The following PCDHGB5 variants were observed in gnomAD, a reference collection of about 807,000 sequenced individuals.
PCDHGB5 encodes the protein protocadherin gamma-B5.
In PCDHGB5, 48 loss-of-function variants were observed where a neutral mutation model predicts 62.9. The observed-to-expected ratio is 0.76, with a 90% CI of 0.61 to 0.97. The LOEUF (loss-of-function observed/expected upper bound fraction) is 0.97, where lower values mean the gene tolerates loss of function less well. Among genes scored for constraint, PCDHGB5 ranks in the 50% least tolerant of loss-of-function variants. The pLI, the probability that PCDHGB5 is intolerant of heterozygous loss-of-function variation, is 0.00. For synonymous variants in PCDHGB5, 474 were observed against 511.2 expected, an observed-to-expected ratio of 0.93 and a Z score of 0.98; for missense variants, 1,118 against 1,198.6, an observed-to-expected ratio of 0.93 and a Z score of 0.99.
At chr5:141,454,567 C>T (rs572130062) in intron 1 of PCDHGB5, among the ~76,000 whole-genome samples, 10 of 150,966 alleles carry the variant, frequency 6.6e-5, no homozygotes, top group South Asian at 2.1e-4. Context: ...CCACCACGCC[C>T]GGCTAATTTT....
intron 1 of PCDHGB5, among the ~76,000 whole-genome samples, chr5:141,483,310 A>G (rs2099579870): frequency 6.6e-6 from 1 of 152,156 alleles, no homozygotes; most frequent in African/African-American, 2.4e-5. Context: ...GACTGGGGAC[A>G]TTGGGACTGG....
Position 141,477,856 on chromosome 5 carries a change from G to T in PCDHGB5, c.2398-16951G>T, listed in dbSNP as rs773703641. ...CAGGTGGGAGCTCGGTGGAGATGCTGCCTCGAGGTACCTCAGCTGGCCACC... is the reference window on the plus strand; with the variant it reads ...CAGGTGGGAGCTCGGTGGAGATGCTTCCTCGAGGTACCTCAGCTGGCCACC... On this transcript the variant is annotated intron_variant, in intron 1 of 3. Coordinates refer to ENST00000617380, the MANE Select transcript of PCDHGB5 (RefSeq NM_018925.3). This position sits in a 1 kb window ranked among gnomAD's most constrained non-coding sequence, Gnocchi z 4.9. 1 of 1,613,474 alleles carries T rather than the reference G, an allele frequency of 6.2e-7. No homozygotes were observed. Among genetic ancestry groups the T allele is most frequent in the Non-Finnish European group, 8.5e-7 (1 of 1,179,854 alleles).
At chr5:141,423,354 C>A in intron 1 of PCDHGB5, 1 of 1,614,202 alleles carries the variant, frequency 6.2e-7, no homozygotes. Context: ...TGGTCTTTGT[C>A]ATCGTGCTGC....
chr5:141,418,360 G>A (rs544948410), intron 1 of PCDHGB5: 3 of 1,613,990 alleles, frequency 1.9e-6, no homozygotes, highest in Non-Finnish European at 2.5e-6. Context: ...TGAATTCGCT[G>A]AGCAAATACC....
At chr5:141,480,525 A>G (rs191522157) in intron 1 of PCDHGB5, among the ~76,000 whole-genome samples, 131 of 152,310 alleles carry the variant, frequency 8.6e-4, no homozygotes, top group African/African-American at 2.6e-3. Context: ...AAAAATGACA[A>G]AGTAGAAGCA....
At chr5:141,405,206 A>G in intron 1 of PCDHGB5, 1 of 1,613,648 alleles carries the variant, frequency 6.2e-7, no homozygotes, top group Non-Finnish European at 8.5e-7. Flanking sequence ...TTTCCTACAG[A>G]CCTATTCTCA....
At chr5:141,418,667 G>A (rs1561775322) in intron 1 of PCDHGB5, 1 of 1,614,036 alleles carries the variant, frequency 6.2e-7, no homozygotes, top group Admixed American at 1.7e-5. Flanking sequence ...CACTGACCAG[G>A]ACGAGGGCAT....
In PCDHGB5 at chr5:141,398,540, T is replaced by C. The variant is rs372892054; in HGVS notation, c.413T>C (p.Phe138Ser). Residue 138 changes from phenylalanine (F) to serine (S), a missense_variant, in exon 1 of 4, where the codon TTT becomes TCT. Transcript: ENST00000617380. The part of the protein sequence containing the change: ...DHTPKFTQNS[F>S]ELQISESAQP... The stretch of plus-strand genomic sequence containing the variant: ...ACGCCAAAATTCACGCAAAATTCCT[T>C]TGAGCTGCAAATAAGTGAGTCTGCA... 12 of 1,613,764 alleles carry C rather than the reference T, an allele frequency of 7.4e-6. No homozygotes were observed. The African/African-American group carries it at 1.2e-4, about 16-fold the overall frequency.
At position 141,400,181 on chromosome 5, in the gene PCDHGB5, A is replaced by G. The variant is rs1188334062; in HGVS notation, c.2054A>G (p.Gln685Arg). Residue 685 changes from glutamine to arginine, a missense_variant, in exon 1 of 4, where the codon CAG (glutamine) becomes CGG (arginine). This residue lies in a region of PCDHGB5 where 1,034 missense variants were observed against 1,029.1 expected (regional missense o/e 1.00). Transcript: ENST00000617380. ...PVPSDPQAELQFYLVVALALI... is the reference protein window; with the variant it reads ...PVPSDPQAELRFYLVVALALI... Reference sequence around the variant, plus strand: ...CCCTCTGACCCCCAGGCTGAGCTGCAGTTTTACCTAGTGGTGGCCTTGGCC... The same window carrying G: ...CCCTCTGACCCCCAGGCTGAGCTGCGGTTTTACCTAGTGGTGGCCTTGGCC... 14 of 1,614,034 alleles carry G rather than the reference A, an allele frequency of 8.7e-6. No individual in the cohort carries two copies. Among genetic ancestry groups the G allele is most frequent in the Non-Finnish European group, 1.1e-5 (13 of 1,179,896 alleles).
Position 141,477,201 on chromosome 5 carries a change from C to T in PCDHGB5, c.2398-17606C>T, listed in dbSNP as rs1269388368. 6.2e-7 allele frequency: 1 copy of T among 1,614,076 alleles called. No homozygotes were observed. Among genetic ancestry groups the T allele is most frequent in the Non-Finnish European group, 8.5e-7 (1 of 1,180,056 alleles). On this transcript the variant is annotated intron_variant, in intron 1 of 3. Transcript: ENST00000617380. The surrounding 1 kb of genome is among the most constrained non-coding windows in gnomAD (Gnocchi z 4.9). ...GTCACCTCCGTGTACAGCCCAGTAC[C>T]CGAGGATGCCCCTCTGGGGACTGTC... is the stretch of plus-strand genomic sequence containing the variant.
At chr5:141,496,888 T>TAA (rs35063790) in intron 2 of PCDHGB5, among the ~76,000 whole-genome samples, 141 of 134,106 alleles carry the variant, frequency 1.1e-3, no homozygotes, top group East Asian at 2.4e-3. Context: ...AAGTAACACT[T>TAA]AAAAAAAAAA....
chr5:141,502,868 T>TTTTTTTTTC (rs1298099288), intron 2 of PCDHGB5, among the ~76,000 whole-genome samples: 1 of 147,026 alleles, frequency 6.8e-6, no homozygotes, highest in Non-Finnish European at 1.5e-5. Flanking sequence ...CTCTCTGTCT[T>TTTTTTTTTC]TTTTTTTTTT....
At chr5:141,405,955 CCTG>C (rs1293666113) in intron 1 of PCDHGB5, among the ~76,000 whole-genome samples, 4 of 152,056 alleles carry the variant, frequency 2.6e-5, no homozygotes, top group African/African-American at 9.7e-5. Context: ...TAATAATTAA[CCTG>C]CTGTCAACGT....
chr5:141,398,374 G>C lies in PCDHGB5; in HGVS notation c.247G>C (p.Glu83Gln), dbSNP rs769693333. The change falls in exon 1 of 4, where the codon GAG becomes CAG. Residue 83 changes from glutamate (E) to glutamine (Q), a missense_variant. Transcript: ENST00000617380. ...CTTCACCGTGAGCGCAGAGAGCGGG[G>C]AGTTGCTTGTGAGCAGCAGGCTAGA... is the stretch of plus-strand genomic sequence containing the variant. ...PYFTVSAESG[E>Q]LLVSSRLDRE... 3 of 1,438,680 alleles carry C rather than the reference G, an allele frequency of 2.1e-6. No individual in the cohort carries two copies. Among genetic ancestry groups the C allele is most frequent in the African/African-American group, 1.4e-5 (1 of 70,224 alleles). The allele number at this position is 1,438,680 out of a possible 1,614,324, so 89.1% of individuals were successfully genotyped here.
chr5:141,406,079 T>C (rs570702423), intron 1 of PCDHGB5, among the ~76,000 whole-genome samples: 2 of 151,808 alleles, frequency 1.3e-5, no homozygotes, highest in South Asian at 2.1e-4. Context: ...CTCCTTTTTT[T>C]TTTTTTTTAA....
intron 1 of PCDHGB5, chr5:141,428,256 T>A: frequency 1.2e-6 from 1 of 863,822 alleles, no homozygotes; most frequent in Non-Finnish European, 1.9e-6. Flanking sequence ...CAGACTTCAG[T>A]GACAGTCCTG....
At chr5:141,428,142 C>T in intron 1 of PCDHGB5, 1 of 1,594,260 alleles carries the variant, frequency 6.3e-7, no homozygotes, top group Non-Finnish European at 8.6e-7. Flanking sequence ...CCTGGGGCTG[C>T]ACACGGGAAC....
At chr5:141,403,577 C>T (rs1188693688) in intron 1 of PCDHGB5, 2 of 1,613,812 alleles carry the variant, frequency 1.2e-6, no homozygotes, top group South Asian at 1.1e-5. Context: ...AACTGCCCAC[C>T]ACCTGGTCCT....
chr5:141,455,377 CAGAA>C (rs2098820699), intron 1 of PCDHGB5, among the ~76,000 whole-genome samples: 1 of 151,970 alleles, frequency 6.6e-6, no homozygotes, highest in Admixed American at 6.6e-5. Flanking sequence ...AGGGAGAAGA[CAGAA>C]GGAAGGAGCT....
Sources: allele counts gnomAD v4.1 joint callset (sites outside exome capture counted in the v4.1 genomes callset), GRCh38; gene constraint gnomAD v4.1.1; regional missense constraint gnomAD v4.1.1; non-coding constraint Gnocchi (gnomAD v3.1); transcripts MANE v1.5; gene names NCBI Gene and HGNC (gene_info 2026-07-23, HGNC 2026-07-21).